Variants in ULK2 observed in about 807,000 individuals in gnomAD.
ULK2 encodes unc-51 like autophagy activating kinase 2, also known as serine/threonine-protein kinase ULK2.
A neutral mutation model predicts 127.5 loss-of-function variants in ULK2; 76 were observed. The ratio of observed to expected loss-of-function variants is 0.60; its 90% confidence interval spans 0.50 to 0.72. The LOEUF (loss-of-function observed/expected upper bound fraction) is 0.72. Among genes scored for constraint, ULK2 ranks in the 30% least tolerant of loss-of-function variants. The pLI is 0.00. For synonymous variants in ULK2, 452 were observed against 461.9 expected (o/e 0.98, Z 0.28); for missense variants, 1,144 against 1,295.9 (o/e 0.88, Z 1.80).
chr17:19,801,709 A>G, intron 16 of ULK2, 68 bp downstream of exon 16: 1 of 1,596,568 alleles, frequency 6.3e-7, no homozygotes, highest in Non-Finnish European at 8.5e-7. Flanking sequence ...TCCTAAAGAA[A>G]ATGTGTCATG....
intron 3 of ULK2, among the ~76,000 whole-genome samples, chr17:19,859,444 A>G (rs1354411501): frequency 6.6e-6 from 1 of 152,178 alleles, no homozygotes; most frequent in Non-Finnish European, 1.5e-5. Flanking sequence ...ACTTGAACTC[A>G]GGAGGCAGAG....
chr17:19,866,172 G>A (rs2042346887), intron 1 of ULK2, among the ~76,000 whole-genome samples: 1 of 152,090 alleles, frequency 6.6e-6, no homozygotes, highest in African/African-American at 2.4e-5. Flanking sequence ...GGATTACACC[G>A]TGCTTGAGTT....
At chr17:19,795,485 G>T in intron 20 of ULK2, 137 bp downstream of exon 20, 1 of 723,650 alleles carries the variant, frequency 1.4e-6, no homozygotes, top group Non-Finnish European at 2.4e-6. Flanking sequence ...GGATAGGGAT[G>T]GCATCCAGAA....
rs73295848 is a variant in ULK2, at chr17:19,828,494, A to G, written c.788-2308T>C. 7.7e-3 allele frequency among the ~76,000 whole-genome samples: 1,173 copies of G among 152,348 alleles called. 15 individuals carry two copies. The highest frequency in any genetic ancestry group is 0.026 in the African/African-American group (1,088 of 41,586). On this transcript the variant is annotated intron_variant, in intron 10 of 26. Coordinates refer to ENST00000395544, the MANE Select transcript of ULK2 (RefSeq NM_014683.4). ...TAAAGGGGGTATAAAGCAATACAGAAGTAGAGTTTTTGTGTGCAACTAAAG... is the reference window on the plus strand; with the variant it reads ...TAAAGGGGGTATAAAGCAATACAGAGGTAGAGTTTTTGTGTGCAACTAAAG...
chr17:19,779,897 G>A (rs1043181216), intron 25 of ULK2, among the ~76,000 whole-genome samples: 3 of 152,108 alleles, frequency 2.0e-5, no homozygotes, highest in Non-Finnish European at 4.4e-5. Flanking sequence ...AGATCGGCTG[G>A]GCACGGTGGC....
chr17:19,786,039 C>T lies in ULK2; in HGVS notation c.2149G>A (p.Ala717Thr). ...AAGAGGACAGCCTTGGAACTTGCTG[C>T]TGTACCTGCAGGAGGTGCCAGAACA... is the stretch of plus-strand genomic sequence containing the variant. ...GGVLAPPAGT[A>T]ASSKAVLFTV... The change falls in exon 21 of 27, where the codon GCA (alanine) becomes ACA (threonine). Residue 717 changes from alanine (A) to threonine (T), a missense_variant. By Grantham distance (58) the Ala-to-Thr change is moderately conservative. This residue lies in a region of ULK2 where 913 missense variants were observed against 970.5 expected (regional missense o/e 0.94). Coordinates refer to ENST00000395544, the MANE Select transcript of ULK2 (RefSeq NM_014683.4). 2 of 1,574,342 alleles carry T rather than the reference C, an allele frequency of 1.3e-6. No individual in the cohort carries two copies. The highest frequency in any genetic ancestry group is 1.7e-6 in the Non-Finnish European group (2 of 1,166,838).
intron 10 of ULK2, among the ~76,000 whole-genome samples, chr17:19,837,338 T>A (rs768781163): frequency 6.6e-6 from 1 of 151,906 alleles, no homozygotes; most frequent in East Asian, 2.0e-4. Context: ...GAGGATCACC[T>A]GAGCCTGGGA....
At position 19,823,912 on chromosome 17, in the gene ULK2, C is replaced by T. The variant is rs1418360712; in HGVS notation, c.924+1182G>A. ...GTCTGTTTGCAACAGGCTACATCTG[C>T]ATCTGCTTTACCTAACAGTTGCCAC... On this transcript the variant is annotated intron_variant, in intron 12 of 26. Coordinates refer to ENST00000395544, the MANE Select transcript of ULK2 (RefSeq NM_014683.4). 2.0e-5 allele frequency among the ~76,000 whole-genome samples: 3 copies of T among 152,360 alleles called. No individual in the cohort carries two copies. In the East Asian group the frequency reaches 5.8e-4, roughly 29 times the overall value.
At chr17:19,815,462 T>C (rs1431347424) in intron 13 of ULK2, among the ~76,000 whole-genome samples, 1 of 152,154 alleles carries the variant, frequency 6.6e-6, no homozygotes, top group Non-Finnish European at 1.5e-5. Context: ...TTTGTATTTT[T>C]AGTAGAGACG....
intron 22 of ULK2, among the ~76,000 whole-genome samples, chr17:19,783,169 T>C (rs977964581): frequency 4.6e-5 from 7 of 152,074 alleles, no homozygotes; most frequent in African/African-American, 1.2e-4. Context: ...GAACATGCAA[T>C]AGAATGTACT....
intron 12 of ULK2, among the ~76,000 whole-genome samples, chr17:19,821,641 T>C (rs771857532): frequency 6.6e-6 from 1 of 152,188 alleles, no homozygotes; most frequent in South Asian, 2.1e-4. Flanking sequence ...CATTTTCTAA[T>C]CCCACTAACT....
chr17:19,861,539 C>T (rs931968438), intron 3 of ULK2, among the ~76,000 whole-genome samples: 6 of 150,744 alleles, frequency 4.0e-5, no homozygotes, highest in Non-Finnish European at 4.4e-5. Context: ...AACGAGACTC[C>T]GTCTCAAAAA....
Position 19,776,335 on chromosome 17 carries a change from G to A in ULK2, c.*14C>T. On this transcript the variant is annotated 3_prime_UTR_variant, in exon 27 of 27. Coordinates refer to ENST00000395544, the MANE Select transcript of ULK2 (RefSeq NM_014683.4). ...TCACGTTCCCACCACCGGTCCACGG[G>A]ATGAGCCTGCTGCTCACACGGTTGC... 1 of 1,598,854 alleles carries A rather than the reference G, an allele frequency of 6.3e-7. No individual in the cohort carries two copies. Among genetic ancestry groups the A allele is most frequent in the Non-Finnish European group, 8.5e-7 (1 of 1,173,200 alleles).
Position 19,785,978 on chromosome 17 carries a change from G to A in ULK2, c.2210C>T (p.Pro737Leu), listed in dbSNP as rs987264028. 6.3e-7 allele frequency: 1 copy of A among 1,596,130 alleles called. No individual in the cohort carries two copies. The highest frequency in any genetic ancestry group is 8.5e-7 in the Non-Finnish European group (1 of 1,172,834). ...VGSPPHSAAA[P>L]TCTHMFLRTR... is the part of the protein sequence containing the mutation. ...TCGAAGGAACATGTGGGTACAAGTG[G>A]GGGCTGCCGCACTGTGTGGAGGAGA... The change falls in exon 21 of 27, where the codon CCC becomes CTC. Residue 737 changes from proline (P) to leucine (L), a missense_variant. Transcript: ENST00000395544.
Position 19,785,962 on chromosome 17 carries a change from C to T in ULK2, c.2226G>A (p.Met742Ile). Residue 742 changes from methionine to isoleucine, a missense_variant, in exon 21 of 27, where the codon ATG becomes ATA. By Grantham distance (10) the Met-to-Ile change is conservative. This residue lies in a region of ULK2 where 913 missense variants were observed against 970.5 expected (regional missense o/e 0.94). Coordinates refer to ENST00000395544, the MANE Select transcript of ULK2 (RefSeq NM_014683.4). The stretch of plus-strand genomic sequence containing the variant: ...CTGAGGTTGTTCTTGTTCGAAGGAA[C>T]ATGTGGGTACAAGTGGGGGCTGCCG... Reference protein sequence around the residue: ...HSAAAPTCTHMFLRTRTTSVG... With the variant: ...HSAAAPTCTHIFLRTRTTSVG... 2 of 1,593,806 alleles carry T rather than the reference C, an allele frequency of 1.3e-6. No homozygotes were observed.
intron 15 of ULK2, among the ~76,000 whole-genome samples, chr17:19,804,155 G>T (rs1251927685): frequency 6.6e-6 from 1 of 152,044 alleles, no homozygotes; most frequent in East Asian, 1.9e-4. Context: ...GGCTGAGACG[G>T]GAGGATCGCT....
In ULK2 at chr17:19,867,930, C is replaced by G. The variant is rs1270361982; in HGVS notation, c.-513G>C. On this transcript the variant is annotated 5_prime_UTR_variant, in exon 1 of 27. Transcript: ENST00000395544. ...CCCTCGCGCGCGCTACCCGCTCCCG[C>G]GCGACTGGCTGCCCTCCGCGACGTC... 1 of 151,614 alleles carries G rather than the reference C, an allele frequency of 6.6e-6. No homozygotes were observed. The highest frequency in any genetic ancestry group is 1.5e-5 in the Non-Finnish European group (1 of 67,872). The allele number at this position is 151,614 out of a possible 1,614,324, so 9.4% of individuals were successfully genotyped here.
chr17:19,799,486 T>C lies in ULK2; in HGVS notation c.1522+9A>G. On this transcript the variant is annotated intron_variant, in intron 17 of 26. Transcript: ENST00000395544. ...TCAAATTATTAATAAACCAAATACA[T>C]TATCCTACCTGAGGAGTTTCTACTC... is the stretch of plus-strand genomic sequence containing the variant. The C allele has an allele frequency of 6.5e-7, 1 of 1,546,708 alleles. No homozygotes were observed. Among genetic ancestry groups the C allele is most frequent in the Non-Finnish European group, 8.7e-7 (1 of 1,154,716 alleles).
Position 19,781,105 on chromosome 17 carries a change from C to A in ULK2, c.2640-1G>T. The stretch of plus-strand genomic sequence containing the variant: ...GTACAACACCAGCTGCTCCACCCGC[C>A]TGCACCCAAAAGACAGTAGCAGAGG... On this transcript the variant is annotated splice_acceptor_variant, in intron 23 of 26. Transcript: ENST00000395544. LOFTEE classifies it high-confidence loss of function. 1 of 1,613,612 alleles carries A rather than the reference C, an allele frequency of 6.2e-7. No homozygotes were observed. The highest frequency in any genetic ancestry group is 8.5e-7 in the Non-Finnish European group (1 of 1,179,772).
Sources: allele counts gnomAD v4.1 joint callset (sites outside exome capture counted in the v4.1 genomes callset), GRCh38; gene constraint gnomAD v4.1.1; regional missense constraint gnomAD v4.1.1; transcripts MANE v1.5; gene names NCBI Gene and HGNC (gene_info 2026-07-23, HGNC 2026-07-21).